The following ATR variants were observed in gnomAD, a reference collection of about 807,000 sequenced individuals.
The protein encoded by ATR is ATR checkpoint kinase.
ATR carries 142 observed loss-of-function variants against 305.3 expected under a neutral mutation model. The observed-to-expected ratio is 0.47, with a 90% CI of 0.41 to 0.53. ATR has a LOEUF of 0.53. ATR is among the 20% of genes least tolerant of loss of function. The probability of loss-of-function intolerance (pLI) is 0.00; values close to 1 mark genes in which losing one functional copy is unlikely to be tolerated. For synonymous variants in ATR, 1,050 were observed against 1,068.1 expected, an observed-to-expected ratio of 0.98 and a Z score of 0.33; for missense variants, 2,135 against 3,133.1, an observed-to-expected ratio of 0.68 and a Z score of 7.60.
intron 6 of ATR, 150 bp from the exon 7 acceptor site, chr3:142,559,591 AT>A: frequency 1.3e-6 from 1 of 789,640 alleles, no homozygotes; most frequent in Non-Finnish European, 2.0e-6. Flanking sequence ...GTAATATGTT[AT>A]TACTATTTTA....
At chr3:142,501,478 T>A (rs2031962444) in intron 30 of ATR, among the ~76,000 whole-genome samples, 1 of 152,202 alleles carries the variant, frequency 6.6e-6, no homozygotes, top group South Asian at 2.1e-4. Context: ...AAAATGATAG[T>A]CTTTATGAAT....
chr3:142,494,643 T>C (rs1477050012), intron 34 of ATR, among the ~76,000 whole-genome samples: 1 of 152,196 alleles, frequency 6.6e-6, no homozygotes, highest in Non-Finnish European at 1.5e-5. Flanking sequence ...ATAATTTTAA[T>C]TGGAAGAAAA....
intron 36 of ATR, 48 bp from the exon 37 acceptor site, chr3:142,470,231 A>C (rs2071228695): frequency 7.1e-7 from 1 of 1,402,402 alleles, no homozygotes; most frequent in African/African-American, 1.4e-5. Context: ...TGTCATTTTT[A>C]TATTATACGA....
intron 46 of ATR, chr3:142,450,444 T>C: frequency 1.9e-6 from 3 of 1,599,240 alleles, no homozygotes; most frequent in Non-Finnish European, 2.6e-6. Flanking sequence ...TGAGACTACA[T>C]CACCACAGAG....
At position 142,549,587 on chromosome 3, in the gene ATR, T is replaced by C; in HGVS notation, c.3063A>G (p.Leu1021=). The C allele has an allele frequency of 6.2e-7, 1 of 1,613,342 alleles. No individual in the cohort carries two copies. The highest frequency in any genetic ancestry group is 8.5e-7 in the Non-Finnish European group (1 of 1,179,494). Residue 1021 remains leucine (L), a synonymous_variant, in exon 15 of 47, where the codon TTA becomes TTG. Coordinates refer to ENST00000350721, the MANE Select transcript of ATR (RefSeq NM_001184.4). ...SALIRTLGKQ[L]NVNRREILIN... ...TTAAAATCTCTCTACGATTGACATT[T>C]AATTGTTTTCCTAAAGTTCGAATGA...
intron 27 of ATR, among the ~76,000 whole-genome samples, chr3:142,509,638 C>T (rs1293381369): frequency 7.0e-6 from 1 of 142,396 alleles, no homozygotes; most frequent in Admixed American, 7.4e-5. Flanking sequence ...CTCACCGTAG[C>T]CTCAATCTCA....
chr3:142,566,343 G>A (rs2108494986), intron 2 of ATR, 82 bp from the exon 3 acceptor site: 1 of 1,484,566 alleles, frequency 6.7e-7, no homozygotes, highest in Non-Finnish European at 9.3e-7. Flanking sequence ...TGTGGGCCAG[G>A]CAAGGTGCCT....
intron 2 of ATR, among the ~76,000 whole-genome samples, chr3:142,567,777 G>A (rs933534133): frequency 1.3e-5 from 2 of 152,154 alleles, no homozygotes; most frequent in East Asian, 3.9e-4. Context: ...CCACATGATT[G>A]GTACTGGACA....
intron 1 of ATR, among the ~76,000 whole-genome samples, chr3:142,578,155 T>A (rs2035501339): frequency 6.6e-6 from 1 of 152,170 alleles, no homozygotes; most frequent in South Asian, 2.1e-4. Flanking sequence ...GCAAGTGATG[T>A]CACTTGCAGA....
At chr3:142,546,264 G>T (rs2034265023) in intron 16 of ATR, among the ~76,000 whole-genome samples, 3 of 152,142 alleles carry the variant, frequency 2.0e-5, no homozygotes, top group Admixed American at 2.0e-4. Flanking sequence ...CTCTCAATCA[G>T]GTTCTAGTAA....
intron 36 of ATR, among the ~76,000 whole-genome samples, chr3:142,479,585 G>A (rs1258252273): frequency 6.6e-6 from 1 of 152,130 alleles, no homozygotes. Context: ...CTCTTCTCGA[G>A]GAGTATCTTT....
chr3:142,507,870 T>C, intron 28 of ATR, 61 bp downstream of exon 28: 1 of 1,441,276 alleles, frequency 6.9e-7, no homozygotes, highest in Non-Finnish European at 9.7e-7. Flanking sequence ...ATGAACAACA[T>C]AAACATAAAA....
chr3:142,480,977 C>T (rs978193834), intron 36 of ATR, among the ~76,000 whole-genome samples: 5 of 152,206 alleles, frequency 3.3e-5, no homozygotes, highest in Non-Finnish European at 5.9e-5. Context: ...TTTCCAGGTG[C>T]CATCTGTCAC....
chr3:142,494,248 C>A (rs2031456650), intron 34 of ATR, among the ~76,000 whole-genome samples: 1 of 152,010 alleles, frequency 6.6e-6, no homozygotes, highest in African/African-American at 2.4e-5. Flanking sequence ...ACTTGAGTAT[C>A]CACAGATTTT....
chr3:142,530,835 G>C (rs2108414288), intron 21 of ATR, among the ~76,000 whole-genome samples: 1 of 152,200 alleles, frequency 6.6e-6, no homozygotes, highest in East Asian at 1.9e-4. Flanking sequence ...ATACTTTCAA[G>C]TACCTTCCCT....
rs1559993988 is a variant in ATR, at chr3:142,558,553, A to ATAGATAGATAG, written c.1885+70_1885+71insCTATCTATCTA. On this transcript the variant is annotated intron_variant, in intron 8 of 46. Coordinates refer to ENST00000350721, the MANE Select transcript of ATR (RefSeq NM_001184.4). ...AAATAAATAAATAAATAAATAAATA[A>ATAGATAGATAG]ATAAATAGATAGATAGATAGATAGA... 2.0e-5 allele frequency: 22 copies of ATAGATAGATAG among 1,077,504 alleles called. No homozygotes were observed. In the South Asian group the frequency reaches 2.4e-4, roughly 12 times the overall value. 66.7% of individuals were successfully genotyped at this position (1,077,504 alleles called of 1,614,324 possible). A position where few individuals can be genotyped will look rare whatever the true frequency, so the allele number is the denominator to read the frequency against.
At chr3:142,496,583 T>G in intron 33 of ATR, 63 bp from the exon 34 acceptor site, 1 of 1,520,944 alleles carries the variant, frequency 6.6e-7, no homozygotes, top group South Asian at 1.1e-5. Context: ...ACAACTTAAC[T>G]TAAAACAATT....
intron 1 of ATR, among the ~76,000 whole-genome samples, chr3:142,573,097 T>C (rs1208882866): frequency 1.3e-5 from 2 of 152,174 alleles, no homozygotes; most frequent in East Asian, 1.9e-4. Context: ...ACTTGCTTAA[T>C]AGAAAAACTT....
chr3:142,539,176 G>A (rs2033966690), intron 18 of ATR, among the ~76,000 whole-genome samples: 1 of 152,116 alleles, frequency 6.6e-6, no homozygotes, highest in African/African-American at 2.4e-5. Context: ...AAATTTTCTA[G>A]TAGCTACATT....
Sources: gnomAD v4.1 joint callset for allele counts (sites outside exome capture counted in the v4.1 genomes callset) on GRCh38, gnomAD v4.1.1 for gene constraint, MANE v1.5 for transcripts, NCBI Gene and HGNC (gene_info 2026-07-23, HGNC 2026-07-21) for gene names.